Variants in LYRM1 observed in about 807,000 individuals in gnomAD.
LYRM1 encodes the protein LYR motif containing 1, also known as LYR motif-containing protein 1.
A neutral mutation model predicts 14.9 loss-of-function variants in LYRM1; 14 were observed. That is an observed-to-expected ratio of 0.94 (90% CI 0.62 to 1.47). The LOEUF (loss-of-function observed/expected upper bound fraction) is 1.47, where lower values mean the gene tolerates loss of function less well. Ranked by LOEUF, LYRM1 falls within the 40% of genes most tolerant of loss-of-function variation. The pLI is 0.00. For missense variants in LYRM1, 153 were observed against 149.9 expected (o/e 1.02, Z -0.11); for synonymous variants, 43 against 56.2 (o/e 0.77, Z 1.05).
intron 2 of LYRM1, 26 bp from the exon 3 acceptor site, chr16:20,920,096 C>T (rs777492399): frequency 6.7e-7 from 1 of 1,486,962 alleles, no homozygotes; most frequent in Non-Finnish European, 9.4e-7. Flanking sequence ...ATACTATCAG[C>T]CTCATTTCTT....
At chr16:20,922,631 A>G (rs1280015356) in intron 3 of LYRM1, among the ~76,000 whole-genome samples, 1 of 152,028 alleles carries the variant, frequency 6.6e-6, no homozygotes. Flanking sequence ...CTGGGATTAC[A>G]GGCCCCCGCC....
At chr16:20,911,656 CA>C (rs1331399413) in intron 1 of LYRM1, among the ~76,000 whole-genome samples, 13 of 152,202 alleles carry the variant, frequency 8.5e-5, no homozygotes, top group African/African-American at 3.1e-4. Flanking sequence ...TCTGACTAAT[CA>C]GAATCTTCCA....
At chr16:20,913,403 C>A (rs972872927) in intron 1 of LYRM1, among the ~76,000 whole-genome samples, 5 of 151,376 alleles carry the variant, frequency 3.3e-5, no homozygotes, top group African/African-American at 1.2e-4. Context: ...ACCTTCACCT[C>A]CTGGGTTCAG....
At chr16:20,902,730 C>A (rs983430064) in intron 1 of LYRM1, 4 of 152,134 alleles carry the variant, frequency 2.6e-5, no homozygotes, top group African/African-American at 9.7e-5. Flanking sequence ...AATTTGTGTC[C>A]GTTATAGAAA....
At chr16:20,903,386 C>G (rs1402977931) in intron 1 of LYRM1, among the ~76,000 whole-genome samples, 1 of 152,130 alleles carries the variant, frequency 6.6e-6, no homozygotes, top group African/African-American at 2.4e-5. Flanking sequence ...CCTGGCTGAC[C>G]CCTGTGGGCA....
At chr16:20,903,085 G>A (rs2082147435) in intron 1 of LYRM1, among the ~76,000 whole-genome samples, 1 of 152,200 alleles carries the variant, frequency 6.6e-6, no homozygotes, top group African/African-American at 2.4e-5. Context: ...GAGCTGAAGG[G>A]TTGGCCTAGA....
intron 1 of LYRM1, among the ~76,000 whole-genome samples, chr16:20,907,604 C>T (rs1158028407): frequency 6.6e-6 from 1 of 152,094 alleles, no homozygotes; most frequent in Non-Finnish European, 1.5e-5. Flanking sequence ...TCAAGCAATC[C>T]TCCCACCTCA....
At chr16:20,914,025 G>T (rs1046793765) in intron 1 of LYRM1, among the ~76,000 whole-genome samples, 1 of 151,528 alleles carries the variant, frequency 6.6e-6, no homozygotes, top group African/African-American at 2.4e-5. Flanking sequence ...AGCCAGGATG[G>T]TCTCAATCTC....
At position 20,920,118 on chromosome 16, in the gene LYRM1, A is replaced by G; in HGVS notation, c.160-4A>G. 6.2e-7 allele frequency: 1 copy of G among 1,604,136 alleles called. No homozygotes were observed. Among genetic ancestry groups the G allele is most frequent in the Non-Finnish European group, 8.5e-7 (1 of 1,171,538 alleles). ...CAGCCTCATTTCTTTCTCCCTTTTA[A>G]TAGCTCACGGACACAGACCTAATTA... On this transcript the variant is annotated splice_polypyrimidine_tract_variant and splice_region_variant and intron_variant, in intron 2 of 3. Coordinates refer to ENST00000567954, the MANE Select transcript of LYRM1 (RefSeq NM_001128302.3).
chr16:20,911,841 T>G (rs1474944756), intron 1 of LYRM1, among the ~76,000 whole-genome samples: 1 of 152,200 alleles, frequency 6.6e-6, no homozygotes, highest in Non-Finnish European at 1.5e-5. Context: ...CAAATGATCC[T>G]TCCATCTCAG....
At chr16:20,904,794 G>A (rs1292826728) in intron 1 of LYRM1, among the ~76,000 whole-genome samples, 2 of 151,524 alleles carry the variant, frequency 1.3e-5, no homozygotes, top group Non-Finnish European at 2.9e-5. Context: ...TTATTGGATT[G>A]GGGTAAGAAT....
chr16:20,902,913 A>T (rs1484554699), intron 1 of LYRM1, among the ~76,000 whole-genome samples: 2 of 152,286 alleles, frequency 1.3e-5, no homozygotes, highest in Non-Finnish European at 1.5e-5. Flanking sequence ...CTTCTCACAA[A>T]AAGGGGCTTT....
intron 1 of LYRM1, among the ~76,000 whole-genome samples, chr16:20,903,358 G>A (rs2082160413): frequency 6.6e-6 from 1 of 152,172 alleles, no homozygotes; most frequent in East Asian, 1.9e-4. Context: ...TGCCAAAAAG[G>A]CCTCTCCTCT....
At chr16:20,921,411 C>G (rs529756172) in intron 3 of LYRM1, 1 of 151,544 alleles carries the variant, frequency 6.6e-6, no homozygotes, top group Non-Finnish European at 1.5e-5. Context: ...TTTGTTTGTT[C>G]GTTTTTTTGG....
rs560295128 is a variant in LYRM1 at position 20,903,398 on chromosome 16, T to C, written c.-1+2509T>C. On this transcript the variant is annotated intron_variant, in intron 1 of 3. Coordinates refer to ENST00000567954, the MANE Select transcript of LYRM1 (RefSeq NM_001128302.3). ...CTACCTGGCTGACCCCTGTGGGCAT[T>C]TGATTTGCAATTCTTGGTCTAGGGC... Among the ~76,000 whole-genome samples the C allele has an allele frequency of 1.8e-4, 28 of 152,308 alleles. 1 individual carries two copies. The South Asian group carries it at 4.6e-3, about 25-fold the overall frequency.
chr16:20,920,167 G>C lies in LYRM1; in HGVS notation c.205G>C (p.Ala69Pro). ...LIKQCIDECT[A>P]RIEIGLHYKI... ...TAAACAGTGTATAGATGAATGCACA[G>C]CCAGGATTGAAATTGGACTGCATTA... is the stretch of plus-strand genomic sequence containing the variant. Residue 69 changes from alanine to proline, a missense_variant, in exon 3 of 4, where the codon GCC becomes CCC. By Grantham distance (27) the Ala-to-Pro change is conservative. Transcript: ENST00000567954. 6.2e-7 allele frequency: 1 copy of C among 1,614,114 alleles called. No individual in the cohort carries two copies. Among genetic ancestry groups the C allele is most frequent in the Non-Finnish European group, 8.5e-7 (1 of 1,179,984 alleles).
At chr16:20,911,570 TACTC>T (rs2082594409) in intron 1 of LYRM1, among the ~76,000 whole-genome samples, 1 of 152,172 alleles carries the variant, frequency 6.6e-6, no homozygotes, top group African/African-American at 2.4e-5. Context: ...CCTTGCTACT[TACTC>T]ACCAAATCTG....
intron 3 of LYRM1, among the ~76,000 whole-genome samples, chr16:20,923,329 A>G (rs2083292315): frequency 6.6e-6 from 1 of 151,946 alleles, no homozygotes; most frequent in African/African-American, 2.4e-5. Context: ...GCAAAACCCC[A>G]TATCTATTAA....
At chr16:20,914,654 T>A (rs1380420948) in intron 1 of LYRM1, among the ~76,000 whole-genome samples, 1 of 152,118 alleles carries the variant, frequency 6.6e-6, no homozygotes, top group Non-Finnish European at 1.5e-5. Flanking sequence ...GTCATATTTT[T>A]AAAATCTGGA....
Sources: gnomAD v4.1 joint callset for allele counts (sites outside exome capture counted in the v4.1 genomes callset) on GRCh38, gnomAD v4.1.1 for gene constraint, MANE v1.5 for transcripts, NCBI Gene and HGNC (gene_info 2026-07-23, HGNC 2026-07-21) for gene names.